ACAP2: variants seen among roughly 807,000 people sequenced by gnomAD.
ACAP2 encodes arf-GAP with coiled-coil, ANK repeat and PH domain-containing protein 2.
In ACAP2, 39 loss-of-function variants were observed where a neutral mutation model predicts 115.8. The observed-to-expected ratio is 0.34, with a 90% confidence interval of 0.26 to 0.44. ACAP2 has a LOEUF of 0.44. Among genes scored for constraint, ACAP2 ranks in the 20% least tolerant of loss-of-function variants. The probability of loss-of-function intolerance (pLI) is 1.00; values close to 1 mark genes in which losing one functional copy is unlikely to be tolerated. For missense variants in ACAP2, 662 were observed against 927.6 expected, an observed-to-expected ratio of 0.71 and a Z score of 3.72; for synonymous variants, 289 against 315.8, an observed-to-expected ratio of 0.92 and a Z score of 0.90.
intron 4 of ACAP2, among the ~76,000 whole-genome samples, chr3:195,347,386 A>ATTTTTGAGATC (rs1160756099): frequency 3.3e-5 from 5 of 152,208 alleles, no homozygotes; most frequent in Non-Finnish European, 7.3e-5. Context: ...CTACTGAAAC[A>ATTTTTGAGATC]GGGAACAATA....
intron 16 of ACAP2, among the ~76,000 whole-genome samples, chr3:195,296,305 T>C (rs1005276136): frequency 6.6e-6 from 1 of 152,160 alleles, no homozygotes; most frequent in African/African-American, 2.4e-5. Context: ...ACGAGCACTA[T>C]TGATGGCTAT....
chr3:195,307,015 G>T, intron 12 of ACAP2: 1 of 439,928 alleles, frequency 2.3e-6, no homozygotes, highest in Non-Finnish European at 4.0e-6. Context: ...TCACCTTTAT[G>T]GAATTTAAAG....
intron 9 of ACAP2, 69 bp downstream of exon 9, chr3:195,326,816 C>T (rs1729827085): frequency 3.8e-6 from 5 of 1,328,696 alleles, no homozygotes; most frequent in Non-Finnish European, 5.4e-6. Context: ...TACAATGATA[C>T]CTTGCATAAA....
In ACAP2 at chr3:195,326,615, G is replaced by A. The variant is rs141673021; in HGVS notation, c.744+270C>T. On this transcript the variant is annotated intron_variant, in intron 9 of 22. Coordinates refer to ENST00000326793, the MANE Select transcript of ACAP2 (RefSeq NM_012287.6). ...AATAGTGTTTTGAATTCTAACTAAA[G>A]GCCACTTTTAGCTTAGTTAAGTTCC... The A allele has an allele frequency of 2.9e-5, 10 of 344,108 alleles. No individual in the cohort carries two copies. In the East Asian group the frequency reaches 5.7e-4, roughly 20 times the overall value. 21.3% of individuals were successfully genotyped at this position (344,108 alleles called of 1,614,324 possible). A position where few individuals can be genotyped will look rare whatever the true frequency, so the allele number is the denominator to read the frequency against.
rs1259057655 is a variant in ACAP2 at position 195,276,123 on chromosome 3, AC to A, written c.*3204del. 6.5e-6 allele frequency: 1 copy of A among 152,672 alleles called. No individual in the cohort carries two copies. Among genetic ancestry groups the A allele is most frequent in the Non-Finnish European group, 1.5e-5 (1 of 68,042 alleles). 9.5% of individuals were successfully genotyped at this position (152,672 alleles called of 1,614,324 possible). On this transcript the variant is annotated 3_prime_UTR_variant, in exon 23 of 23. Coordinates refer to ENST00000326793, the MANE Select transcript of ACAP2 (RefSeq NM_012287.6). Reference sequence around the variant, plus strand: ...ACACAATTTCATTTACTGCGACCATACTTAACATGCATAAAATATTTTTAAA... The same window carrying A: ...ACACAATTTCATTTACTGCGACCATATTAACATGCATAAAATATTTTTAAA...
In ACAP2 at chr3:195,439,073, G is replaced by A. The variant is rs1027163205; in HGVS notation, c.53+3722C>T. Among the ~76,000 whole-genome samples the A allele has an allele frequency of 1.8e-3, 259 of 145,594 alleles. 7 individuals carry two copies. Among genetic ancestry groups the A allele is most frequent in the Non-Finnish European group, 3.0e-4 (20 of 66,260 alleles). On this transcript the variant is annotated intron_variant, in intron 1 of 22. Coordinates refer to ENST00000326793, the MANE Select transcript of ACAP2 (RefSeq NM_012287.6). ...CAGAACTCTATCTCAAAAAAAAAAAGAATCATATCTGAAATAGAATCTAAA... is the reference window on the plus strand; with the variant it reads ...CAGAACTCTATCTCAAAAAAAAAAAAAATCATATCTGAAATAGAATCTAAA...
At chr3:195,301,814 A>G (rs1728077495) in intron 14 of ACAP2, 152 bp downstream of exon 14, 1 of 1,180,000 alleles carries the variant, frequency 8.5e-7, no homozygotes, top group Non-Finnish European at 1.2e-6. Context: ...AGCTTTTACA[A>G]ACCAGGATTT....
intron 12 of ACAP2, 64 bp downstream of exon 12, chr3:195,307,159 A>G (rs577205324): frequency 3.7e-6 from 5 of 1,353,798 alleles, no homozygotes; most frequent in African/African-American, 2.9e-5. Flanking sequence ...TCTACTCTGG[A>G]AAGTTATTTA....
At chr3:195,394,586 T>G (rs2108777333) in intron 1 of ACAP2, among the ~76,000 whole-genome samples, 1 of 152,318 alleles carries the variant, frequency 6.6e-6, no homozygotes, top group Non-Finnish European at 1.5e-5. Flanking sequence ...GAAGCCGAGC[T>G]GGGCAGATCA....
chr3:195,408,529 A>G (rs113028882), intron 1 of ACAP2, among the ~76,000 whole-genome samples: 2 of 152,328 alleles, frequency 1.3e-5, no homozygotes, highest in African/African-American at 4.8e-5. Flanking sequence ...CCAAGCATTT[A>G]AAGACGAACT....
chr3:195,335,789 A>C (rs1730459590), intron 7 of ACAP2: 1 of 152,142 alleles, frequency 6.6e-6, no homozygotes, highest in African/African-American at 2.4e-5. Context: ...TTTGGGGAAA[A>C]AGTAAGTCAG....
chr3:195,316,690 T>C (rs1729110513), intron 10 of ACAP2, among the ~76,000 whole-genome samples: 1 of 152,050 alleles, frequency 6.6e-6, no homozygotes, highest in Admixed American at 6.6e-5. Flanking sequence ...TGAACCACCA[T>C]GTCCACCACA....
intron 4 of ACAP2, among the ~76,000 whole-genome samples, chr3:195,364,539 C>G (rs1040756199): frequency 2.0e-5 from 3 of 151,926 alleles, no homozygotes; most frequent in Non-Finnish European, 2.9e-5. Context: ...CCACTCTACT[C>G]CAGCCTGGGT....
chr3:195,304,286 G>A (rs1194676556), intron 13 of ACAP2, among the ~76,000 whole-genome samples: 1 of 150,856 alleles, frequency 6.6e-6, no homozygotes, highest in East Asian at 1.9e-4. Flanking sequence ...TAGCAATTAT[G>A]TAAGGAAAGA....
intron 4 of ACAP2, among the ~76,000 whole-genome samples, chr3:195,352,874 A>G (rs1468134162): frequency 6.6e-6 from 1 of 152,130 alleles, no homozygotes; most frequent in Non-Finnish European, 1.5e-5. Flanking sequence ...TGAGGTCAGG[A>G]GTTCCAGACC....
chr3:195,359,341 AT>A (rs1240901775), intron 4 of ACAP2, among the ~76,000 whole-genome samples: 3 of 152,368 alleles, frequency 2.0e-5, no homozygotes, highest in Admixed American at 6.5e-5. Context: ...TTAAGTATTA[AT>A]AGAAAGGTGA....
chr3:195,442,499 T>A (rs1046543261), intron 1 of ACAP2, among the ~76,000 whole-genome samples: 6 of 152,170 alleles, frequency 3.9e-5, no homozygotes, highest in Non-Finnish European at 8.8e-5. Context: ...GGAGCGCGGC[T>A]GCACCCCATT....
At chr3:195,315,791 A>G (rs1729049839) in intron 10 of ACAP2, among the ~76,000 whole-genome samples, 1 of 152,214 alleles carries the variant, frequency 6.6e-6, no homozygotes, top group Non-Finnish European at 1.5e-5. Context: ...AATAGGAGGT[A>G]ATGTCTACAA....
At chr3:195,309,525 G>A (rs537288087) in intron 10 of ACAP2, among the ~76,000 whole-genome samples, 2 of 149,362 alleles carry the variant, frequency 1.3e-5, no homozygotes, top group Admixed American at 6.7e-5. Context: ...CAGCCTGGGC[G>A]ACCGAGCAAG....
Sources: allele counts gnomAD v4.1 joint callset (sites outside exome capture counted in the v4.1 genomes callset), GRCh38; gene constraint gnomAD v4.1.1; transcripts MANE v1.5; gene names NCBI Gene and HGNC (gene_info 2026-07-23, HGNC 2026-07-21).